CTNNA2: variants seen among roughly 807,000 people sequenced by gnomAD.
CTNNA2 encodes the protein catenin alpha 2.
Under a neutral mutation model 101.0 loss-of-function variants are expected in CTNNA2, and 42 were observed. The ratio of observed to expected loss-of-function variants is 0.42; its 90% CI spans 0.32 to 0.54. The LOEUF (loss-of-function observed/expected upper bound fraction) is 0.54. CTNNA2 is among the 20% of genes least tolerant of loss of function. CTNNA2 has a pLI of 0.14. For synonymous variants in CTNNA2, 450 were observed against 456.4 expected, an observed-to-expected ratio of 0.99 and a Z score of 0.18; for missense variants, 871 against 1,223.1, an observed-to-expected ratio of 0.71 and a Z score of 4.29.
chr2:79,973,843 G>T (rs555162016), intron 7 of CTNNA2, among the ~76,000 whole-genome samples: 17 of 152,324 alleles, frequency 1.1e-4, no homozygotes, highest in Middle Eastern at 3.4e-3. Flanking sequence ...CTGGGCTTGT[G>T]TCTTCACAGA....
At chr2:80,407,203 G>A (rs550377210) in intron 8 of CTNNA2, among the ~76,000 whole-genome samples, 2 of 152,166 alleles carry the variant, frequency 1.3e-5, no homozygotes, top group Non-Finnish European at 2.9e-5. Context: ...AAAGTCGTTT[G>A]GTCAAATACC....
At chr2:79,428,480 C>T (rs1263410252) in intron 4 of CTNNA2, among the ~76,000 whole-genome samples, 1 of 152,002 alleles carries the variant, frequency 6.6e-6, no homozygotes, top group Non-Finnish European at 1.5e-5. Context: ...ATGAAAAGGG[C>T]AATTACAGAT....
At chr2:79,421,331 G>C (rs1031734543) in intron 4 of CTNNA2, among the ~76,000 whole-genome samples, 14 of 152,172 alleles carry the variant, frequency 9.2e-5, no homozygotes, top group African/African-American at 2.9e-4. Context: ...TGGAGGCAGA[G>C]GGAGACAAAG....
At chr2:79,365,307 C>T (rs1413995235) in intron 3 of CTNNA2, among the ~76,000 whole-genome samples, 3 of 151,742 alleles carry the variant, frequency 2.0e-5, no homozygotes, top group Non-Finnish European at 4.4e-5. Flanking sequence ...TAAATTAAAC[C>T]TGCAAATGAG....
chr2:80,177,887 C>A (rs1259577523), intron 7 of CTNNA2, among the ~76,000 whole-genome samples: 1 of 152,188 alleles, frequency 6.6e-6, no homozygotes, highest in African/African-American at 2.4e-5. Context: ...TTTCTCCTTC[C>A]AAGCAAAGTG....
At chr2:80,194,179 A>G (rs981368733) in intron 7 of CTNNA2, among the ~76,000 whole-genome samples, 2 of 152,192 alleles carry the variant, frequency 1.3e-5, no homozygotes, top group African/African-American at 4.8e-5. Context: ...AGCTGTATTT[A>G]CTACTGTTAA....
At chr2:79,635,526 G>A (rs1008508554) in intron 1 of CTNNA2, among the ~76,000 whole-genome samples, 35 of 150,638 alleles carry the variant, frequency 2.3e-4, no homozygotes, top group Admixed American at 8.6e-4. Flanking sequence ...TTTTTGAGAT[G>A]GAGTTTCACT....
At chr2:79,586,478 T>G (rs1041510499) in intron 1 of CTNNA2, among the ~76,000 whole-genome samples, 1 of 152,044 alleles carries the variant, frequency 6.6e-6, no homozygotes, top group Non-Finnish European at 1.5e-5. Flanking sequence ...TTTTCTTTTC[T>G]ACAAAGCCTT....
chr2:79,569,043 A>C (rs1675301612), intron 1 of CTNNA2, among the ~76,000 whole-genome samples: 1 of 152,182 alleles, frequency 6.6e-6, no homozygotes, highest in Non-Finnish European at 1.5e-5. Flanking sequence ...CAAAAAAATA[A>C]AAATGACATA....
At chr2:80,502,699 A>G (rs1006050226) in intron 9 of CTNNA2, among the ~76,000 whole-genome samples, 2 of 152,172 alleles carry the variant, frequency 1.3e-5, no homozygotes, top group African/African-American at 4.8e-5. Flanking sequence ...TACCCTCTGC[A>G]TCTCTCAGCC....
At chr2:79,876,022 A>T (rs1682997517) in intron 6 of CTNNA2, among the ~76,000 whole-genome samples, 1 of 152,100 alleles carries the variant, frequency 6.6e-6, no homozygotes, top group Non-Finnish European at 1.5e-5. Flanking sequence ...AATAAGTCTA[A>T]TATAGATGTG....
chr2:79,367,367 A>G (rs559711854), intron 3 of CTNNA2, among the ~76,000 whole-genome samples: 1 of 152,300 alleles, frequency 6.6e-6, no homozygotes, highest in Admixed American at 6.5e-5. Context: ...GAAGGAGGTG[A>G]GAGAAAAGAA....
At chr2:80,642,209 T>C (rs1034105213) in intron 18 of CTNNA2, among the ~76,000 whole-genome samples, 1 of 152,136 alleles carries the variant, frequency 6.6e-6, no homozygotes, top group African/African-American at 2.4e-5. Flanking sequence ...CTGTTAACCA[T>C]TCAGTCACCA....
rs1389493181 is a variant in CTNNA2 at position 80,571,961 on chromosome 2, T to C, written c.1742-2202T>C. ...GGTTATAGAGACACAAAAACATTTT[T>C]GTGACTCCAATGTACAATTACTTAC... On this transcript the variant is annotated intron_variant, in intron 12 of 18. Transcript: ENST00000402739. Among the ~76,000 whole-genome samples the C allele has an allele frequency of 2.6e-5, 4 of 152,184 alleles. No individual in the cohort carries two copies. The East Asian group carries it at 5.8e-4, about 22-fold the overall frequency.
At chr2:79,191,940 T>G (rs1319873145) in intron 1 of CTNNA2, among the ~76,000 whole-genome samples, 2 of 152,148 alleles carry the variant, frequency 1.3e-5, no homozygotes, top group African/African-American at 2.4e-5. Flanking sequence ...CATGAATCCC[T>G]CAGAACCATT....
chr2:79,601,272 C>A (rs755117449), intron 1 of CTNNA2, among the ~76,000 whole-genome samples: 1 of 152,190 alleles, frequency 6.6e-6, no homozygotes, highest in Non-Finnish European at 1.5e-5. Flanking sequence ...ACCTGCATGT[C>A]ACTTACTAAG....
At chr2:80,272,991 G>A (rs557335691) in intron 7 of CTNNA2, among the ~76,000 whole-genome samples, 1 of 152,236 alleles carries the variant, frequency 6.6e-6, no homozygotes, top group South Asian at 2.1e-4. Context: ...GTGCGTGAAA[G>A]GTGGTTTATA....
At chr2:79,677,372 C>A (rs1299545860) in intron 2 of CTNNA2, among the ~76,000 whole-genome samples, 1 of 152,114 alleles carries the variant, frequency 6.6e-6, no homozygotes, top group Non-Finnish European at 1.5e-5. Flanking sequence ...TCCACTGAGT[C>A]CCTTCTTTGG....
intron 2 of CTNNA2, among the ~76,000 whole-genome samples, chr2:79,207,864 C>T (rs1183908010): frequency 6.6e-6 from 1 of 152,116 alleles, no homozygotes. Flanking sequence ...CAAAGAACTG[C>T]CTTGTTTTGC....
Sources: allele counts gnomAD v4.1 joint callset (sites outside exome capture counted in the v4.1 genomes callset), GRCh38; gene constraint gnomAD v4.1.1; transcripts MANE v1.5; gene names NCBI Gene and HGNC (gene_info 2026-07-23, HGNC 2026-07-21).